Variants in APBB2 observed in about 807,000 individuals in gnomAD.
APBB2 encodes the protein Fe65-like 1.
APBB2 carries 38 observed loss-of-function variants against 82.5 expected under a neutral mutation model. That is an observed-to-expected ratio of 0.46 (90% confidence interval 0.36 to 0.60). The LOEUF is 0.60. Ranked by LOEUF, APBB2 falls within the 20% of genes least tolerant of loss-of-function variation. APBB2 has a pLI of 0.00. For synonymous variants in APBB2, 341 were observed against 368.2 expected, an observed-to-expected ratio of 0.93 and a Z score of 0.85; for missense variants, 772 against 972.3, an observed-to-expected ratio of 0.79 and a Z score of 2.74.
rs570903303 is a variant in APBB2 at position 41,074,946 on chromosome 4, C to G, written c.-148-9273G>C. On this transcript the variant is annotated intron_variant, in intron 3 of 17. Transcript: ENST00000508593. ...AGTGGACCACCTGAGCCCAGGAATTCCAACACAAGCCTGAGAAACATGGCA... is the reference window on the plus strand; with the variant it reads ...AGTGGACCACCTGAGCCCAGGAATTGCAACACAAGCCTGAGAAACATGGCA... 1.3e-4 allele frequency among the ~76,000 whole-genome samples: 20 copies of G among 152,202 alleles called. No individual in the cohort carries two copies. The East Asian group carries it at 3.7e-3, about 28-fold the overall frequency.
At chr4:40,861,731 C>A (rs1269879723) in intron 12 of APBB2, among the ~76,000 whole-genome samples, 1 of 152,132 alleles carries the variant, frequency 6.6e-6, no homozygotes, top group African/African-American at 2.4e-5. Flanking sequence ...GTGTGAAATT[C>A]TGGTACATAT....
chr4:41,139,215 C>A lies in APBB2; in HGVS notation c.-261+3772G>T, dbSNP rs558916038. Among the ~76,000 whole-genome samples the A allele has an allele frequency of 7.2e-5, 11 of 152,184 alleles. No homozygotes were observed. In the East Asian group the frequency reaches 1.9e-3, roughly 27 times the overall value. On this transcript the variant is annotated intron_variant, in intron 2 of 17. Coordinates refer to ENST00000508593, the MANE Select transcript of APBB2 (RefSeq NM_004307.2). Reference sequence around the variant, plus strand: ...CTTATCAAAAGGCTGGCTCAACATTCAAGTATCAGTATCATCCAACCTATG... The same window carrying A: ...CTTATCAAAAGGCTGGCTCAACATTAAAGTATCAGTATCATCCAACCTATG...
At chr4:40,954,824 C>T (rs1664028570) in intron 6 of APBB2, among the ~76,000 whole-genome samples, 1 of 152,202 alleles carries the variant, frequency 6.6e-6, no homozygotes, top group African/African-American at 2.4e-5. Context: ...CCATCACACC[C>T]GGGTAATTTT....
At chr4:41,191,472 T>C (rs1005260722) in intron 1 of APBB2, among the ~76,000 whole-genome samples, 2 of 152,206 alleles carry the variant, frequency 1.3e-5, no homozygotes, top group African/African-American at 4.8e-5. Context: ...GATGGTTCTA[T>C]AGAGTCAACT....
chr4:41,100,501 T>G (rs1560750880), intron 3 of APBB2, 138 bp downstream of exon 3: 1 of 152,180 alleles, frequency 6.6e-6, no homozygotes, highest in African/African-American at 2.4e-5. Flanking sequence ...CTGAGTCTCC[T>G]TCCATGTTAC....
rs143094415 is a variant in APBB2, at chr4:40,880,736, C to T, written c.1529+9628G>A. ...TCTGGCTCAGGACTCAGGGGAAGTG[C>T]GAGATGGAAGCTGTTCGAAGATCAT... On this transcript the variant is annotated intron_variant, in intron 12 of 17. Coordinates refer to ENST00000508593, the MANE Select transcript of APBB2 (RefSeq NM_004307.2). The T allele has an allele frequency of 3.0e-6, 3 of 985,266 alleles. No homozygotes were observed. The South Asian group carries it at 1.4e-4, about 46-fold the overall frequency. The allele number at this position is 985,266 out of a possible 1,614,324, so 61.0% of individuals were successfully genotyped here.
At chr4:41,107,013 A>C (rs778354977) in intron 2 of APBB2, among the ~76,000 whole-genome samples, 13 of 152,080 alleles carry the variant, frequency 8.5e-5, no homozygotes, top group East Asian at 1.9e-4. Context: ...GTTTGAACAA[A>C]AAAAAAAAGA....
chr4:41,007,476 G>A (rs1807079806), intron 6 of APBB2, among the ~76,000 whole-genome samples: 1 of 152,088 alleles, frequency 6.6e-6, no homozygotes, highest in African/African-American at 2.4e-5. Context: ...AAAGCGTGAG[G>A]TCAACTGAAA....
At chr4:41,014,423 C>T (rs1352713174) in intron 5 of APBB2, 25 bp from the exon 6 acceptor site, 1 of 1,599,958 alleles carries the variant, frequency 6.3e-7, no homozygotes, top group Non-Finnish European at 8.5e-7. Context: ...AGTCATTAGA[C>T]ACCTGCCATG....
chr4:41,029,963 T>C (rs946391944), intron 5 of APBB2, among the ~76,000 whole-genome samples: 1 of 152,132 alleles, frequency 6.6e-6, no homozygotes, highest in Non-Finnish European at 1.5e-5. Context: ...AAGGCCATCC[T>C]GGCTAACACA....
At chr4:41,211,402 G>A (rs11932629) in intron 1 of APBB2, among the ~76,000 whole-genome samples, 2,256 of 61,192 alleles carry the variant, frequency 0.037, 61 homozygotes, top group African/African-American at 0.12. Context: ...CCCCTCCCCC[G>A]CCCCCGGAAA....
At chr4:40,836,199 G>A (rs1379799023) in intron 12 of APBB2, among the ~76,000 whole-genome samples, 1 of 152,120 alleles carries the variant, frequency 6.6e-6, no homozygotes, top group Non-Finnish European at 1.5e-5. Flanking sequence ...AAAGCTGGCC[G>A]GGCGCGGTGG....
chr4:40,924,352 G>A (rs28536716), intron 10 of APBB2, among the ~76,000 whole-genome samples: 42,918 of 152,078 alleles, frequency 0.28, 6,291 homozygotes, highest in African/African-American at 0.35. Flanking sequence ...TTGGCAGATT[G>A]TACCTCCCAA....
chr4:40,820,592 G>T (rs972216969), intron 17 of APBB2, among the ~76,000 whole-genome samples: 5 of 152,054 alleles, frequency 3.3e-5, no homozygotes, highest in African/African-American at 1.2e-4. Flanking sequence ...TTAAACCCAG[G>T]AGGCGAAGGT....
intron 1 of APBB2, among the ~76,000 whole-genome samples, chr4:41,204,307 A>G (rs529855615): frequency 4.3e-4 from 66 of 152,350 alleles, no homozygotes; most frequent in African/African-American, 1.5e-3. Context: ...ATTTCAGAAG[A>G]TCACCTTGGA....
chr4:40,892,446 T>C (rs902242549), intron 11 of APBB2: 2 of 152,250 alleles, frequency 1.3e-5, no homozygotes, highest in Non-Finnish European at 2.9e-5. Context: ...TGGAAAGGCT[T>C]GGAAACCTAC....
chr4:41,032,967 T>C lies in APBB2; in HGVS notation c.19+269A>G, dbSNP rs565396264. ...GCCCGGCTAATTTTTGTATTTTTAGTAGAGACGGGGTTTCACCGTGTTAGC... is the reference window on the plus strand; with the variant it reads ...GCCCGGCTAATTTTTGTATTTTTAGCAGAGACGGGGTTTCACCGTGTTAGC... On this transcript the variant is annotated intron_variant, in intron 5 of 17. Coordinates refer to ENST00000508593, the MANE Select transcript of APBB2 (RefSeq NM_004307.2). 1.6e-4 allele frequency among the ~76,000 whole-genome samples: 24 copies of C among 151,440 alleles called. 1 individual carries two copies. The South Asian group carries it at 4.4e-3, about 28-fold the overall frequency.
At position 40,862,812 on chromosome 4, in the gene APBB2, T is replaced by C. The variant is rs191085120; in HGVS notation, c.1529+27552A>G. The stretch of plus-strand genomic sequence containing the variant: ...CGGCAGAAGTTGCAGTGAGCCGAGA[T>C]TGTGCCACTGCACTCCAGCCTGGGC... On this transcript the variant is annotated intron_variant, in intron 12 of 17. Transcript: ENST00000508593. Among the ~76,000 whole-genome samples the C allele has an allele frequency of 7.0e-3, 1,055 of 149,880 alleles. 15 individuals carry two copies. The highest frequency in any genetic ancestry group is 0.024 in the African/African-American group (968 of 40,558).
At chr4:41,195,551 A>G in intron 1 of APBB2, among the ~76,000 whole-genome samples, 9 of 152,058 alleles carry the variant, frequency 5.9e-5, no homozygotes, top group African/African-American at 2.2e-4. Flanking sequence ...CCACCTCAGC[A>G]CCCCTAAAGT....
Sources: gnomAD v4.1 joint callset for allele counts (sites outside exome capture counted in the v4.1 genomes callset) on GRCh38, gnomAD v4.1.1 for gene constraint, MANE v1.5 for transcripts, NCBI Gene and HGNC (gene_info 2026-07-23, HGNC 2026-07-21) for gene names.